Variants in SCAMP1 observed in about 807,000 individuals in gnomAD.
SCAMP1 encodes secretory carrier membrane protein 1.
A neutral mutation model predicts 41.8 loss-of-function variants in SCAMP1; 15 were observed. That is an observed-to-expected ratio of 0.36 (90% CI 0.24 to 0.55). The LOEUF is 0.55. Ranked by LOEUF, SCAMP1 falls within the 20% of genes least tolerant of loss-of-function variation. SCAMP1 has a pLI of 0.86. For synonymous variants in SCAMP1, 135 were observed against 136.8 expected (o/e 0.99, Z 0.09); for missense variants, 341 against 412.6 (o/e 0.83, Z 1.50).
At chr5:78,436,296 C>A (rs1361675870) in intron 6 of SCAMP1, among the ~76,000 whole-genome samples, 3 of 152,142 alleles carry the variant, frequency 2.0e-5, no homozygotes, top group African/African-American at 7.2e-5. Context: ...GAAATCCTTG[C>A]CCATGCCTAT....
chr5:78,404,335 C>T (rs542470188), intron 2 of SCAMP1, among the ~76,000 whole-genome samples: 50 of 151,634 alleles, frequency 3.3e-4, no homozygotes, highest in Non-Finnish European at 5.6e-4. Flanking sequence ...TTTTTAGAGA[C>T]GGGGTCTCAC....
intron 6 of SCAMP1, among the ~76,000 whole-genome samples, chr5:78,444,909 A>T (rs1753017193): frequency 6.6e-6 from 1 of 152,160 alleles, no homozygotes; most frequent in South Asian, 2.1e-4. Context: ...CAAATGGAAA[A>T]TCTCAGGCTT....
chr5:78,478,718 A>C lies in SCAMP1; in HGVS notation c.*3050A>C, dbSNP rs1254564015. 3 of 152,082 alleles carry C rather than the reference A, an allele frequency of 2.0e-5. No individual in the cohort carries two copies. Among genetic ancestry groups the C allele is most frequent in the African/African-American group, 7.2e-5 (3 of 41,434 alleles). 9.4% of individuals were successfully genotyped at this position (152,082 alleles called of 1,614,324 possible). On this transcript the variant is annotated 3_prime_UTR_variant, in exon 9 of 9. Transcript: ENST00000621999. ...GTTTTATGTACTGATGAAAGTACCTATTTGTGTATATTGGATTTTTCACTT... is the reference window on the plus strand; with the variant it reads ...GTTTTATGTACTGATGAAAGTACCTCTTTGTGTATATTGGATTTTTCACTT...
rs563902639 is a variant in SCAMP1, at chr5:78,421,056, G to A, written c.473-745G>A. 1.2e-4 allele frequency among the ~76,000 whole-genome samples: 19 copies of A among 152,316 alleles called. No homozygotes were observed. The South Asian group carries it at 3.9e-3, about 32-fold the overall frequency. The stretch of plus-strand genomic sequence containing the variant: ...CAGTTATTAATTACAATGGGTCAAA[G>A]TAGTTCTTTAGGATCATGGTATAGT... On this transcript the variant is annotated intron_variant, in intron 5 of 8. Transcript: ENST00000621999.
chr5:78,463,100 C>T (rs781441043), intron 8 of SCAMP1, among the ~76,000 whole-genome samples: 3 of 152,112 alleles, frequency 2.0e-5, no homozygotes, highest in Non-Finnish European at 2.9e-5. Flanking sequence ...AGACTGTGTC[C>T]GTTCTTCCAT....
intron 4 of SCAMP1, among the ~76,000 whole-genome samples, chr5:78,417,616 A>G (rs575124029): frequency 6.6e-5 from 10 of 152,328 alleles, no homozygotes; most frequent in South Asian, 2.1e-4. Context: ...TAAATCATCA[A>G]TACAATCCTG....
chr5:78,384,491 GTAGAA>G (rs1428399270), intron 1 of SCAMP1, among the ~76,000 whole-genome samples: 1 of 152,032 alleles, frequency 6.6e-6, no homozygotes, highest in African/African-American at 2.4e-5. Flanking sequence ...CCAGTACGGT[GTAGAA>G]TAGAAGTGGT....
intron 6 of SCAMP1, among the ~76,000 whole-genome samples, chr5:78,443,772 C>T (rs1752987636): frequency 6.7e-6 from 1 of 149,136 alleles, no homozygotes; most frequent in East Asian, 2.0e-4. Flanking sequence ...GATCCTCCTG[C>T]CTCAGCCTCC....
rs373380559 is a variant in SCAMP1, at chr5:78,365,245, C to T, written c.57+4517C>T. Among the ~76,000 whole-genome samples, 7 of 151,928 alleles carry T rather than the reference C, an allele frequency of 4.6e-5. No homozygotes were observed. In the South Asian group the frequency reaches 8.3e-4, roughly 18 times the overall value. On this transcript the variant is annotated intron_variant, in intron 1 of 8. Coordinates refer to ENST00000621999, the MANE Select transcript of SCAMP1 (RefSeq NM_004866.6). The stretch of plus-strand genomic sequence containing the variant: ...ATCCCAGCACTTTGGGAGGCTGAGG[C>T]GGGCGAATCACGAGGTCAGGAGTTC...
At chr5:78,412,490 A>G (rs777728566) in intron 2 of SCAMP1, among the ~76,000 whole-genome samples, 49 of 152,174 alleles carry the variant, frequency 3.2e-4, no homozygotes, top group Non-Finnish European at 5.7e-4. Context: ...GCATTTGCTG[A>G]CAACCTTTTG....
intron 7 of SCAMP1, chr5:78,457,859 C>G (rs181512449): frequency 2.6e-5 from 4 of 155,772 alleles, no homozygotes; most frequent in East Asian, 1.9e-4. Flanking sequence ...TAGGACCCTC[C>G]GAGCCAGGTG....
intron 6 of SCAMP1, among the ~76,000 whole-genome samples, chr5:78,431,178 C>T (rs1436759784): frequency 1.3e-5 from 2 of 151,660 alleles, no homozygotes; most frequent in African/African-American, 2.4e-5. Context: ...TTTTAAAACT[C>T]TAAAATTAAC....
intron 4 of SCAMP1, among the ~76,000 whole-genome samples, chr5:78,417,880 ATTG>A (rs992527326): frequency 6.6e-6 from 1 of 152,182 alleles, no homozygotes; most frequent in Non-Finnish European, 1.5e-5. Context: ...GAAATAGGTT[ATTG>A]TTCTTTCTAT....
rs961770492 is a variant in SCAMP1 at position 78,479,169 on chromosome 5, G to A, written c.*3501G>A. 1.2e-4 allele frequency: 19 copies of A among 152,022 alleles called. No homozygotes were observed. The highest frequency in any genetic ancestry group is 1.9e-4 in the Non-Finnish European group (13 of 67,986). The allele number at this position is 152,022 out of a possible 1,614,324, so 9.4% of individuals were successfully genotyped here. A position where few individuals can be genotyped will look rare whatever the true frequency, so the allele number is the denominator to read the frequency against. On this transcript the variant is annotated 3_prime_UTR_variant, in exon 9 of 9. Coordinates refer to ENST00000621999, the MANE Select transcript of SCAMP1 (RefSeq NM_004866.6). ...TTATGTATACCTTAGAGTTACCATG[G>A]CTGTCATATACCATTTCACTATATC...
chr5:78,399,596 G>A (rs1434461288), intron 2 of SCAMP1, among the ~76,000 whole-genome samples: 1 of 152,134 alleles, frequency 6.6e-6, no homozygotes, highest in Non-Finnish European at 1.5e-5. Flanking sequence ...GTGCTCACTT[G>A]CCATCTTTGT....
chr5:78,468,977 G>A (rs1213784393), intron 8 of SCAMP1, among the ~76,000 whole-genome samples: 1 of 152,052 alleles, frequency 6.6e-6, no homozygotes, highest in East Asian at 1.9e-4. Context: ...CTCAAGTCTT[G>A]GAGTCAGCCC....
intron 6 of SCAMP1, among the ~76,000 whole-genome samples, chr5:78,443,349 A>G (rs930892505): frequency 1.3e-5 from 2 of 152,120 alleles, no homozygotes; most frequent in African/African-American, 2.4e-5. Flanking sequence ...AATGGAGTCA[A>G]TATTAGTGTG....
intron 1 of SCAMP1, chr5:78,360,974 G>C (rs1251461560): frequency 2.0e-6 from 1 of 502,192 alleles, no homozygotes; most frequent in Non-Finnish European, 3.5e-6. Flanking sequence ...CCCGACTGGT[G>C]AGGGTCGTGT....
At chr5:78,393,772 C>CG (rs1239557819) in intron 2 of SCAMP1, among the ~76,000 whole-genome samples, 1 of 152,104 alleles carries the variant, frequency 6.6e-6, no homozygotes, top group East Asian at 1.9e-4. Context: ...GAGAAATTAT[C>CG]CTTAAGAATT....
Sources: allele counts gnomAD v4.1 joint callset (sites outside exome capture counted in the v4.1 genomes callset), GRCh38; gene constraint gnomAD v4.1.1; transcripts MANE v1.5; gene names NCBI Gene and HGNC (gene_info 2026-07-23, HGNC 2026-07-21).